SLC20A2: variants seen among roughly 807,000 people sequenced by gnomAD.
The protein encoded by SLC20A2 is solute carrier family 20 member 2.
SLC20A2 carries 30 observed loss-of-function variants against 61.0 expected under a neutral mutation model. The observed-to-expected ratio is 0.49, with a 90% confidence interval of 0.37 to 0.67. The LOEUF is 0.67. Ranked by LOEUF, SLC20A2 falls within the 30% of genes least tolerant of loss-of-function variation. The probability of loss-of-function intolerance (pLI) is 0.00; values close to 1 mark genes in which losing one functional copy is unlikely to be tolerated. For missense variants in SLC20A2, 626 were observed against 866.4 expected (o/e 0.72, Z 3.48); for synonymous variants, 351 against 353.3 (o/e 0.99, Z 0.07).
intron 1 of SLC20A2, among the ~76,000 whole-genome samples, chr8:42,517,596 A>T (rs1355827263): frequency 1.3e-5 from 2 of 152,148 alleles, no homozygotes; most frequent in Non-Finnish European, 2.9e-5. Context: ...CATGTGGTTC[A>T]TGGACCTCCA....
intron 1 of SLC20A2, among the ~76,000 whole-genome samples, chr8:42,533,654 CTTTTTTTTTT>C (rs1162369065): frequency 1.8e-5 from 1 of 55,310 alleles, no homozygotes; most frequent in African/African-American, 8.1e-5. Flanking sequence ...ATCAACTGTT[CTTTTTTTTTT>C]TTTTTTTTTT....
rs1271589488 is a variant in SLC20A2 at position 42,437,055 on chromosome 8, A to G, written c.1457T>C (p.Leu486Pro). 6.2e-7 allele frequency: 1 copy of G among 1,614,122 alleles called. No homozygotes were observed. Among genetic ancestry groups the G allele is most frequent in the Admixed American group, 1.7e-5 (1 of 60,026 alleles). The change falls in exon 8 of 11, where the codon CTG (leucine) becomes CCG (proline). Residue 486 changes from leucine to proline, a missense_variant. Leu to Pro is a moderately conservative substitution (Grantham distance 98). Transcript: ENST00000520262. The surrounding 1 kb of genome is among the most constrained non-coding windows in gnomAD (Gnocchi z 6.4). ...EEKDAPEVHL[L>P]FHFLQVLTAC... Reference sequence around the variant, plus strand: ...GGTGAGGACCTGCAGGAAATGGAACAGGAGGTGAACCTCGGGTGCGTCCTT... The same window carrying G: ...GGTGAGGACCTGCAGGAAATGGAACGGGAGGTGAACCTCGGGTGCGTCCTT...
At chr8:42,446,533 G>C (rs1334191397) in intron 5 of SLC20A2, among the ~76,000 whole-genome samples, 3 of 152,222 alleles carry the variant, frequency 2.0e-5, no homozygotes, top group Admixed American at 2.0e-4. Flanking sequence ...AATTACTGTA[G>C]ACAGTCTTAT....
At chr8:42,424,196 C>G (rs1172191942) in intron 10 of SLC20A2, among the ~76,000 whole-genome samples, 1 of 152,148 alleles carries the variant, frequency 6.6e-6, no homozygotes, top group Non-Finnish European at 1.5e-5. Flanking sequence ...TCTGCTAGGG[C>G]TAAAGACCAA....
At chr8:42,537,292 G>A (rs1415307947) in intron 1 of SLC20A2, among the ~76,000 whole-genome samples, 1 of 150,070 alleles carries the variant, frequency 6.7e-6, no homozygotes, top group Non-Finnish European at 1.5e-5. Context: ...GCTGAGGTGG[G>A]AGGATTGCTT....
chr8:42,469,219 C>T (rs1807431901), intron 2 of SLC20A2, among the ~76,000 whole-genome samples: 1 of 152,080 alleles, frequency 6.6e-6, no homozygotes, highest in South Asian at 2.1e-4. Context: ...GGTAATTACA[C>T]CACCATCTTA....
At chr8:42,521,513 A>G (rs924942340) in intron 1 of SLC20A2, among the ~76,000 whole-genome samples, 3 of 120,348 alleles carry the variant, frequency 2.5e-5, no homozygotes, top group Non-Finnish European at 6.0e-5. Flanking sequence ...TTCTTGAGAC[A>G]GGGTCTCCCT....
chr8:42,514,747 T>C (rs1467949322), intron 1 of SLC20A2, among the ~76,000 whole-genome samples: 91 of 148,334 alleles, frequency 6.1e-4, no homozygotes, highest in Admixed American at 5.5e-3. Context: ...AATGGAGTAA[T>C]ACTCTGTTTG....
chr8:42,451,709 A>T (rs577347932), intron 5 of SLC20A2, among the ~76,000 whole-genome samples: 60 of 130,838 alleles, frequency 4.6e-4, no homozygotes, highest in Non-Finnish European at 7.2e-4. Flanking sequence ...GATGAAGAGG[A>T]GGAGGAGGAA....
chr8:42,452,729 G>A (rs1022530830), intron 5 of SLC20A2, among the ~76,000 whole-genome samples: 7 of 151,924 alleles, frequency 4.6e-5, no homozygotes, highest in African/African-American at 1.7e-4. Flanking sequence ...GGAGGAGGAG[G>A]GGGAGGAGGC....
rs1002752786 is a variant in SLC20A2 at position 42,530,475 on chromosome 8, A to G, written c.-265+11346T>C. Among the ~76,000 whole-genome samples, 3 of 152,184 alleles carry G rather than the reference A, an allele frequency of 2.0e-5. No homozygotes were observed. The South Asian group carries it at 6.2e-4, about 32-fold the overall frequency. ...CTTCTGTATCCATAAATTTTACTCA[A>G]ATCTTCCCAAAAGTAGTCATTGCGA... On this transcript the variant is annotated intron_variant, in intron 1 of 10. Transcript: ENST00000342228.
At chr8:42,441,199 C>T (rs1245989307) in intron 6 of SLC20A2, among the ~76,000 whole-genome samples, 4 of 143,668 alleles carry the variant, frequency 2.8e-5, no homozygotes, top group South Asian at 4.4e-4. Flanking sequence ...GGCTAGAGTG[C>T]GCTGGAGTGC....
intron 1 of SLC20A2, among the ~76,000 whole-genome samples, chr8:42,507,291 C>T (rs1810766297): frequency 6.6e-6 from 1 of 151,958 alleles, no homozygotes; most frequent in Non-Finnish European, 1.5e-5. Context: ...GCGATGCAGT[C>T]TTCACACTTC....
chr8:42,512,475 C>T (rs1281934359), intron 1 of SLC20A2, among the ~76,000 whole-genome samples: 2 of 151,698 alleles, frequency 1.3e-5, no homozygotes, highest in East Asian at 1.9e-4. Flanking sequence ...CTCAGCCTCT[C>T]GAGTAGCTGG....
At chr8:42,536,988 T>C (rs1394631962) in intron 1 of SLC20A2, among the ~76,000 whole-genome samples, 3 of 151,724 alleles carry the variant, frequency 2.0e-5, no homozygotes, top group South Asian at 4.2e-4. Context: ...GGCAGAAGAA[T>C]TGCTTGAATC....
At chr8:42,426,728 A>G (rs183062893) in intron 10 of SLC20A2, among the ~76,000 whole-genome samples, 1 of 150,428 alleles carries the variant, frequency 6.6e-6, no homozygotes, top group Non-Finnish European at 1.5e-5. Context: ...CAAAACAAAA[A>G]AAAGCTATTT....
At position 42,418,444 on chromosome 8, in the gene SLC20A2, T is replaced by C. The variant is rs370738764; in HGVS notation, c.1795-477A>G. On this transcript the variant is annotated intron_variant, in intron 10 of 10. Transcript: ENST00000520262. ...GGCCTCCCAAAGTGCTGGAGTACAG[T>C]GGTGCAATCTCAGCTCACTGCAAGC... 7.0e-4 allele frequency among the ~76,000 whole-genome samples: 106 copies of C among 151,966 alleles called. 1 individual carries two copies. Among genetic ancestry groups the C allele is most frequent in the Non-Finnish European group, 2.4e-4 (16 of 67,986 alleles).
chr8:42,427,939 G>GA (rs1288761585), intron 10 of SLC20A2, among the ~76,000 whole-genome samples: 2 of 152,180 alleles, frequency 1.3e-5, no homozygotes, highest in Non-Finnish European at 2.9e-5. Flanking sequence ...ATGAACCTAG[G>GA]AAAAATCTCA....
At chr8:42,429,165 G>C (rs192599596) in intron 9 of SLC20A2, among the ~76,000 whole-genome samples, 1 of 152,232 alleles carries the variant, frequency 6.6e-6, no homozygotes, top group Non-Finnish European at 1.5e-5. Flanking sequence ...GAAAAACTAT[G>C]CTCTCATTTT....
Sources: gnomAD v4.1 joint callset for allele counts (sites outside exome capture counted in the v4.1 genomes callset) on GRCh38, gnomAD v4.1.1 for gene constraint, Gnocchi (gnomAD v3.1) non-coding constraint, MANE v1.5 for transcripts, NCBI Gene and HGNC (gene_info 2026-07-23, HGNC 2026-07-21) for gene names.